Variants in DGKD observed in about 807,000 individuals in gnomAD.
DGKD encodes diacylglycerol kinase delta.
Under a neutral mutation model 154.4 loss-of-function variants are expected in DGKD, and 68 were observed. The observed-to-expected ratio is 0.44, with a 90% CI of 0.36 to 0.54. The LOEUF is 0.54. Ranked by LOEUF, DGKD falls within the 20% of genes least tolerant of loss-of-function variation. DGKD has a pLI of 0.00. For synonymous variants in DGKD, 693 were observed against 638.0 expected (o/e 1.09, Z -1.30); for missense variants, 1,343 against 1,593.6 (o/e 0.84, Z 2.68).
intron 12 of DGKD, chr2:233,447,460 G>T: frequency 7.1e-6 from 7 of 984,698 alleles, no homozygotes; most frequent in Non-Finnish European, 8.4e-6. Context: ...AGATGTGCCT[G>T]GGCCCACGGC....
intron 1 of DGKD, among the ~76,000 whole-genome samples, chr2:233,378,871 A>ACAAAG (rs1239638478): frequency 6.6e-6 from 1 of 152,234 alleles, no homozygotes; most frequent in African/African-American, 2.4e-5. Flanking sequence ...CCCCGCCTCT[A>ACAAAG]CAAAGCAAAG....
At chr2:233,370,567 C>CTTTTTTTTTTTTTTTTTTTTTTTTTTT (rs201017453) in intron 1 of DGKD, among the ~76,000 whole-genome samples, 2 of 114,332 alleles carry the variant, frequency 1.7e-5, no homozygotes, top group Non-Finnish European at 3.5e-5. Context: ...TTCAGAACTT[C>CTTTTTTTTTTTTTTTTTTTTTTTTTTT]TTCTTTTTTT....
In DGKD at chr2:233,445,904, G is replaced by A; in HGVS notation, c.1334+142G>A. 9.5e-7 allele frequency: 1 copy of A among 1,057,678 alleles called. No homozygotes were observed. Among genetic ancestry groups the A allele is most frequent in the Non-Finnish European group, 1.3e-6 (1 of 770,364 alleles). The allele number at this position is 1,057,678 out of a possible 1,614,324, so 65.5% of individuals were successfully genotyped here. On this transcript the variant is annotated intron_variant, in intron 11 of 29. Transcript: ENST00000264057. This position sits in a 1 kb window ranked among gnomAD's most constrained non-coding sequence, Gnocchi z 5.5. ...AAGATTTGACCTGAGTATATATTCGGATAGTCTTTGATATTTGGTCAGATT... is the reference window on the plus strand; with the variant it reads ...AAGATTTGACCTGAGTATATATTCGAATAGTCTTTGATATTTGGTCAGATT...
At chr2:233,409,724 A>G (rs2125509061) in intron 3 of DGKD, among the ~76,000 whole-genome samples, 1 of 149,418 alleles carries the variant, frequency 6.7e-6, no homozygotes, top group African/African-American at 2.5e-5. Context: ...CTTCCTCCTC[A>G]CCACACAATT....
chr2:233,446,322 A>G (rs2063069103), intron 11 of DGKD, among the ~76,000 whole-genome samples: 1 of 152,202 alleles, frequency 6.6e-6, no homozygotes, highest in Non-Finnish European at 1.5e-5. Flanking sequence ...TTCTGAGCAC[A>G]GTTGTGGTTT....
chr2:233,396,974 G>GT (rs1704100909), intron 3 of DGKD, among the ~76,000 whole-genome samples: 1 of 118,422 alleles, frequency 8.4e-6, no homozygotes, highest in Non-Finnish European at 1.8e-5. Flanking sequence ...AGGGTGGCTG[G>GT]GGGGGGCAGA....
Position 233,457,730 on chromosome 2 carries a change from A to G in DGKD, c.2580+402A>G, listed in dbSNP as rs2063505390. On this transcript the variant is annotated intron_variant, in intron 21 of 29. Coordinates refer to ENST00000264057, the MANE Select transcript of DGKD (RefSeq NM_152879.3). The surrounding 1 kb of genome is among the most constrained non-coding windows in gnomAD (Gnocchi z 5.5). ...CTCAGAGTCAAGACAGGGCAGGCACATGGAGGATGGGAGAGAGGTGCCCCG... is the reference window on the plus strand; with the variant it reads ...CTCAGAGTCAAGACAGGGCAGGCACGTGGAGGATGGGAGAGAGGTGCCCCG... 3 of 384,638 alleles carry G rather than the reference A, an allele frequency of 7.8e-6. No homozygotes were observed. In the Admixed American group the frequency reaches 9.4e-5, roughly 12 times the overall value. The allele number at this position is 384,638 out of a possible 1,614,324, so 23.8% of individuals were successfully genotyped here.
intron 3 of DGKD, among the ~76,000 whole-genome samples, chr2:233,430,430 C>T (rs2062471144): frequency 6.6e-6 from 1 of 152,058 alleles, no homozygotes; most frequent in Admixed American, 6.6e-5. Flanking sequence ...GGAGTGATGG[C>T]CGGGATATGT....
chr2:233,378,848 C>T (rs1702731772), intron 1 of DGKD, among the ~76,000 whole-genome samples: 1 of 152,154 alleles, frequency 6.6e-6, no homozygotes, highest in Admixed American at 6.5e-5. Flanking sequence ...ATTGCCTGAG[C>T]AACATAGTGA....
At chr2:233,363,440 C>T (rs961148237) in intron 1 of DGKD, among the ~76,000 whole-genome samples, 3 of 151,834 alleles carry the variant, frequency 2.0e-5, no homozygotes, top group Non-Finnish European at 4.4e-5. Flanking sequence ...AATGTTACTA[C>T]AAAAGAGTAA....
intron 1 of DGKD, among the ~76,000 whole-genome samples, chr2:233,385,134 T>G (rs143817561): frequency 6.6e-6 from 1 of 152,158 alleles, no homozygotes; most frequent in African/African-American, 2.4e-5. Flanking sequence ...TTCTGGACTT[T>G]CCCTGCCTCC....
chr2:233,414,733 T>C (rs1328624236), intron 3 of DGKD, among the ~76,000 whole-genome samples: 3 of 152,138 alleles, frequency 2.0e-5, no homozygotes, highest in African/African-American at 7.2e-5. Flanking sequence ...TTTCAAGAAG[T>C]GCAATAGTAG....
chr2:233,458,474 C>G lies in DGKD; in HGVS notation c.2694+77C>G. 8.5e-7 allele frequency: 1 copy of G among 1,179,478 alleles called. No homozygotes were observed. The highest frequency in any genetic ancestry group is 1.2e-6 in the Non-Finnish European group (1 of 821,550). 73.1% of individuals were successfully genotyped at this position (1,179,478 alleles called of 1,614,324 possible). ...CTAAATTCTGGGGCAGTGCATGGAG[C>G]CTGGGAGGGTGGGCGCTTTCCAGGG... is the stretch of plus-strand genomic sequence containing the variant. On this transcript the variant is annotated intron_variant, in intron 22 of 29. Transcript: ENST00000264057. The surrounding 1 kb of genome is among the most constrained non-coding windows in gnomAD (Gnocchi z 6.6).
chr2:233,356,876 A>T (rs2125366282), intron 1 of DGKD, among the ~76,000 whole-genome samples: 1 of 152,132 alleles, frequency 6.6e-6, no homozygotes, highest in Non-Finnish European at 1.5e-5. Context: ...TATCTATGGT[A>T]CATAATAGAA....
At chr2:233,422,127 G>C (rs1420579833) in intron 3 of DGKD, among the ~76,000 whole-genome samples, 1 of 152,198 alleles carries the variant, frequency 6.6e-6, no homozygotes, top group Non-Finnish European at 1.5e-5. Flanking sequence ...CCTTGTCTTG[G>C]CACCATCTCG....
intron 3 of DGKD, among the ~76,000 whole-genome samples, chr2:233,418,099 A>G (rs951299177): frequency 6.6e-6 from 1 of 152,222 alleles, no homozygotes; most frequent in African/African-American, 2.4e-5. Context: ...ACCTGCTTTT[A>G]AAACTTATTA....
chr2:233,371,204 C>T (rs929420532), intron 1 of DGKD, among the ~76,000 whole-genome samples: 43 of 152,022 alleles, frequency 2.8e-4, no homozygotes, highest in Non-Finnish European at 8.8e-5. Flanking sequence ...TCCACACTTG[C>T]CAACTCTTGT....
At chr2:233,455,377 A>G (rs1237312811) in intron 19 of DGKD, among the ~76,000 whole-genome samples, 1 of 152,190 alleles carries the variant, frequency 6.6e-6, no homozygotes, top group Non-Finnish European at 1.5e-5. Context: ...TTTTTCCTCT[A>G]AAATTACTGG....
At position 233,435,841 on chromosome 2, in the gene DGKD, C is replaced by T. The variant is rs201229542; in HGVS notation, c.610C>T (p.Arg204Cys). ...AGTGTGCAAATTTAAGGCCCACAAG[C>T]GCTGTGCTGTGCGTGCAACCAATAA... ...CEVCKFKAHK[R>C]CAVRATNNCK... Residue 204 changes from arginine to cysteine, a missense_variant, in exon 6 of 30, where the codon CGC (arginine) becomes TGC (cysteine). Coordinates refer to ENST00000264057, the MANE Select transcript of DGKD (RefSeq NM_152879.3). The T allele has an allele frequency of 1.9e-5, 30 of 1,612,508 alleles. No homozygotes were observed. The highest frequency in any genetic ancestry group is 2.3e-5 in the Non-Finnish European group (27 of 1,179,352).
Sources: allele counts gnomAD v4.1 joint callset (sites outside exome capture counted in the v4.1 genomes callset), GRCh38; gene constraint gnomAD v4.1.1; non-coding constraint Gnocchi (gnomAD v3.1); transcripts MANE v1.5; gene names NCBI Gene and HGNC (gene_info 2026-07-23, HGNC 2026-07-21).